Variants in FOXJ3 observed in about 807,000 individuals in gnomAD.
FOXJ3 encodes forkhead box protein J3.
FOXJ3 carries 22 observed loss-of-function variants against 76.1 expected under a neutral mutation model. The observed-to-expected ratio is 0.29, with a 90% CI of 0.21 to 0.41. FOXJ3 has a LOEUF of 0.41. FOXJ3 is among the 10% of genes least tolerant of loss of function. The pLI is 1.00. For synonymous variants in FOXJ3, 269 were observed against 261.2 expected (o/e 1.03, Z -0.29); for missense variants, 613 against 762.1 (o/e 0.80, Z 2.30).
At position 42,176,914 on chromosome 1, in the gene FOXJ3, G is replaced by T. The variant is rs1054761805; in HGVS notation, c.*2796C>A. The T allele has an allele frequency of 6.6e-6, 1 of 152,602 alleles. No individual in the cohort carries two copies. The highest frequency in any genetic ancestry group is 1.5e-5 in the Non-Finnish European group (1 of 68,038). 9.5% of individuals were successfully genotyped at this position (152,602 alleles called of 1,614,324 possible). ...CTCCCACTTCAAAGGACATCTGAGC[G>T]ACACGTATTTACAAGAACACACATG... is the stretch of plus-strand genomic sequence containing the variant. On this transcript the variant is annotated 3_prime_UTR_variant, in exon 13 of 13. Coordinates refer to ENST00000361346, the MANE Select transcript of FOXJ3 (RefSeq NM_014947.5).
At chr1:42,216,472 C>T (rs969812143) in intron 5 of FOXJ3, among the ~76,000 whole-genome samples, 5 of 151,048 alleles carry the variant, frequency 3.3e-5, no homozygotes, top group South Asian at 2.1e-4. Context: ...GAGCCGAGAT[C>T]GCGCCACTGC....
chr1:42,331,304 C>T (rs1656149702), intron 1 of FOXJ3, among the ~76,000 whole-genome samples: 2 of 151,990 alleles, frequency 1.3e-5, no homozygotes, highest in Admixed American at 6.6e-5. Context: ...ATCGCTTGAA[C>T]CTGGGAGGCA....
intron 5 of FOXJ3, among the ~76,000 whole-genome samples, chr1:42,207,576 A>G (rs1222879084): frequency 6.6e-6 from 1 of 152,208 alleles, no homozygotes; most frequent in Non-Finnish European, 1.5e-5. Flanking sequence ...TGCTAGCTAC[A>G]TATATATTCC....
chr1:42,257,851 T>C (rs2124601832), intron 4 of FOXJ3, among the ~76,000 whole-genome samples: 1 of 152,248 alleles, frequency 6.6e-6, no homozygotes, highest in Non-Finnish European at 1.5e-5. Context: ...TTACTTCAAA[T>C]AAAGTGCATT....
At chr1:42,326,959 G>C (rs942845045) in intron 1 of FOXJ3, among the ~76,000 whole-genome samples, 1 of 152,186 alleles carries the variant, frequency 6.6e-6, no homozygotes, top group African/African-American at 2.4e-5. Flanking sequence ...GTGGCACTGA[G>C]TCCTACCTAG....
intron 5 of FOXJ3, among the ~76,000 whole-genome samples, chr1:42,220,826 G>A (rs1647168607): frequency 6.6e-6 from 1 of 152,076 alleles, no homozygotes; most frequent in South Asian, 2.1e-4. Context: ...CAAACTACCT[G>A]TGCTCAATTT....
At chr1:42,271,485 A>G (rs956824987) in intron 3 of FOXJ3, among the ~76,000 whole-genome samples, 10 of 152,118 alleles carry the variant, frequency 6.6e-5, no homozygotes, top group Non-Finnish European at 1.5e-4. Context: ...TTTTCACAAC[A>G]ATGACCAAAC....
chr1:42,306,311 T>C (rs1335149513), intron 2 of FOXJ3, among the ~76,000 whole-genome samples: 1 of 142,150 alleles, frequency 7.0e-6, no homozygotes. Context: ...TTTTTTTTTT[T>C]TTTTTTTTTT....
At chr1:42,294,762 C>CAAAAAAAAAAAAAAAAAAAAAAAA (rs5773766) in intron 2 of FOXJ3, among the ~76,000 whole-genome samples, 1 of 105,684 alleles carries the variant, frequency 9.5e-6, no homozygotes, top group Non-Finnish European at 1.8e-5. Context: ...AACTTGGTCT[C>CAAAAAAAAAAAAAAAAAAAAAAAA]AAAAAAAAAA....
intron 5 of FOXJ3, among the ~76,000 whole-genome samples, chr1:42,226,242 A>C (rs1377096596): frequency 6.6e-6 from 1 of 151,562 alleles, no homozygotes; most frequent in Non-Finnish European, 1.5e-5. Context: ...AAAAAGGCAA[A>C]GGCAAGAGAG....
At chr1:42,251,698 T>C (rs934374868) in intron 4 of FOXJ3, among the ~76,000 whole-genome samples, 2 of 140,604 alleles carry the variant, frequency 1.4e-5, no homozygotes, top group African/African-American at 5.2e-5. Flanking sequence ...TGGATTCGGT[T>C]TGCCAGTATT....
intron 4 of FOXJ3, among the ~76,000 whole-genome samples, chr1:42,239,980 T>A (rs1649003991): frequency 6.6e-6 from 1 of 152,224 alleles, no homozygotes; most frequent in Non-Finnish European, 1.5e-5. Flanking sequence ...TAGATGATTT[T>A]AAAGGTCCTT....
rs3845575 is a variant in FOXJ3, at chr1:42,258,200, C to G, written c.444+6915G>C. Reference sequence around the variant, plus strand: ...GTCCCTGACTTCTTTGGCTTTATACCATGCCTTCATCTTTTATTTTTTTAA... The same window carrying G: ...GTCCCTGACTTCTTTGGCTTTATACGATGCCTTCATCTTTTATTTTTTTAA... On this transcript the variant is annotated intron_variant, in intron 4 of 12. Coordinates refer to ENST00000361346, the MANE Select transcript of FOXJ3 (RefSeq NM_014947.5). Among the ~76,000 whole-genome samples the G allele has an allele frequency of 2.0e-3, 301 of 152,250 alleles. 2 individuals carry two copies. The highest frequency in any genetic ancestry group is 0.017 in the Middle Eastern group (5 of 292).
intron 12 of FOXJ3, 139 bp downstream of exon 12, chr1:42,181,778 C>T: frequency 1.8e-6 from 1 of 561,030 alleles, no homozygotes; most frequent in Admixed American, 3.5e-5. Flanking sequence ...GACACACACA[C>T]ATGCTTCTCA....
rs761367114 is a variant in FOXJ3, at chr1:42,182,009, T to C, written c.1661A>G (p.Asp554Gly). Residue 554 changes from aspartate (D) to glycine (G), a missense_variant, in exon 12 of 13, where the codon GAT (aspartate) becomes GGT (glycine). Asp to Gly is a moderately conservative substitution (Grantham distance 94). Coordinates refer to ENST00000361346, the MANE Select transcript of FOXJ3 (RefSeq NM_014947.5). Reference protein sequence around the residue: ...QHIGTGNLYIDSRQNLPPSVM... With the variant: ...QHIGTGNLYIGSRQNLPPSVM... ...TGAAGGAGGGAGATTTTGCCTAGAA[T>C]CTATGTACAAATTTCCTAATCAGAT... 38 of 1,609,548 alleles carry C rather than the reference T, an allele frequency of 2.4e-5. 1 individual carries two copies. In the Admixed American group the frequency reaches 5.9e-4, roughly 25 times the overall value.
In FOXJ3 at chr1:42,191,370, C is replaced by T. The variant is rs141473291; in HGVS notation, c.1284G>A (p.Pro428=). ...PSPHQHIQHH[P]NHQHQTLTHQ... ...GTGTTAACGTCTGATGCTGATGGTT[C>T]GGATGGTGCTGTATGTGTTGATGTG... The change falls in exon 9 of 13, where the codon CCG becomes CCA. Residue 428 remains proline (P), a synonymous_variant. Coordinates refer to ENST00000361346, the MANE Select transcript of FOXJ3 (RefSeq NM_014947.5). 1.1e-4 allele frequency: 170 copies of T among 1,589,698 alleles called. 1 individual carries two copies. In the South Asian group the frequency reaches 1.6e-3, roughly 15 times the overall value.
chr1:42,206,090 C>G, intron 5 of FOXJ3: 3 of 440,230 alleles, frequency 6.8e-6, no homozygotes, highest in Non-Finnish European at 1.2e-5. Flanking sequence ...TAATTTACTG[C>G]AGGATAGGCT....
intron 1 of FOXJ3, among the ~76,000 whole-genome samples, chr1:42,316,137 T>C (rs999448286): frequency 3.9e-5 from 6 of 152,046 alleles, no homozygotes; most frequent in Admixed American, 2.0e-4. Flanking sequence ...TGGAGTGAAA[T>C]AGAACTAAGT....
At chr1:42,293,640 G>C (rs1653587588) in intron 2 of FOXJ3, among the ~76,000 whole-genome samples, 1 of 152,164 alleles carries the variant, frequency 6.6e-6, no homozygotes, top group South Asian at 2.1e-4. Context: ...TTCCAATCCA[G>C]TCTCACGAGC....
Sources: allele counts gnomAD v4.1 joint callset (sites outside exome capture counted in the v4.1 genomes callset), GRCh38; gene constraint gnomAD v4.1.1; transcripts MANE v1.5; gene names NCBI Gene and HGNC (gene_info 2026-07-23, HGNC 2026-07-21).